IFT172: variants seen among roughly 807,000 people sequenced by gnomAD.
IFT172 encodes the protein intraflagellar transport protein 172 homolog.
In IFT172, 164 loss-of-function variants were observed where a neutral mutation model predicts 248.9. That is an observed-to-expected ratio of 0.66 (90% confidence interval 0.58 to 0.75). IFT172 has a LOEUF of 0.75. Among genes scored for constraint, IFT172 ranks in the 30% least tolerant of loss-of-function variants. IFT172 has a pLI of 0.00. For missense variants in IFT172, 1,950 were observed against 2,192.4 expected (o/e 0.89, Z 2.21); for synonymous variants, 729 against 791.6 (o/e 0.92, Z 1.33).
At chr2:27,461,887 AG>A (rs1436813732) in intron 20 of IFT172, 51 bp from the exon 21 acceptor site, 1 of 1,604,520 alleles carries the variant, frequency 6.2e-7, no homozygotes, top group East Asian at 2.2e-5. Context: ...TATGAGGATC[AG>A]AAAGCAGCAA....
intron 25 of IFT172, 92 bp downstream of exon 25, chr2:27,459,286 C>A: frequency 6.8e-7 from 1 of 1,480,488 alleles, no homozygotes; most frequent in South Asian, 1.3e-5. Flanking sequence ...AAAGAAGGAT[C>A]TGGTGAACTT....
At position 27,461,039 on chromosome 2, in the gene IFT172, G is replaced by A. The variant is rs778307866; in HGVS notation, c.2497C>T (p.Arg833Cys). The A allele has an allele frequency of 5.6e-6, 9 of 1,613,962 alleles. No homozygotes were observed. The highest frequency in any genetic ancestry group is 2.7e-5 in the African/African-American group (2 of 74,870). Residue 833 changes from arginine (R) to cysteine (C), a missense_variant, in exon 23 of 48, where the codon CGT (arginine) becomes TGT (cysteine). This residue lies in a region of IFT172 where 1,166 missense variants were observed against 1,254.1 expected (regional missense o/e 0.93). Transcript: ENST00000260570. Reference sequence around the variant, plus strand: ...CCTTTCATGAATGCGTTGCCTTTACGGTAGCACTCCAGGGCCTTCTGTGGA... The same window carrying A: ...CCTTTCATGAATGCGTTGCCTTTACAGTAGCACTCCAGGGCCTTCTGTGGA... ...HNPQKALECY[R>C]KGNAFMKAVE...
In IFT172 at chr2:27,461,051, G is replaced by C. The variant is rs781639232; in HGVS notation, c.2485C>G (p.Leu829Val). The C allele has an allele frequency of 6.2e-7, 1 of 1,614,130 alleles. No individual in the cohort carries two copies. The highest frequency in any genetic ancestry group is 1.1e-5 in the South Asian group (1 of 91,086). Residue 829 changes from leucine (L) to valine (V), a missense_variant, in exon 23 of 48, where the codon CTG becomes GTG. This residue lies in a region of IFT172 where 1,166 missense variants were observed against 1,254.1 expected (regional missense o/e 0.93). Coordinates refer to ENST00000260570, the MANE Select transcript of IFT172 (RefSeq NM_015662.3). ...GCGTTGCCTTTACGGTAGCACTCCA[G>C]GGCCTTCTGTGGATTGTGAATCTTC... ...FEKIHNPQKALECYRKGNAFM... is the reference protein window; with the variant it reads ...FEKIHNPQKAVECYRKGNAFM...
chr2:27,478,250 A>G (rs1381489610), intron 10 of IFT172, 94 bp from the exon 11 acceptor site: 2 of 1,435,052 alleles, frequency 1.4e-6, no homozygotes, highest in African/African-American at 2.8e-5. Flanking sequence ...AGCACTAAAC[A>G]AAGCTAATAC....
chr2:27,457,964 T>C lies in IFT172; in HGVS notation c.2988A>G (p.Thr996=). 1 of 1,614,180 alleles carries C rather than the reference T, an allele frequency of 6.2e-7. No individual in the cohort carries two copies. Among genetic ancestry groups the C allele is most frequent in the East Asian group, 2.2e-5 (1 of 44,878 alleles). Residue 996 remains threonine (T), a synonymous_variant, in exon 28 of 48, where the codon ACA becomes ACG. Transcript: ENST00000260570. ...TGATGGCAAGATCAGGCTCTTGTAC[T>C]GTCACATATAGCCTGGGGAAGGAGA... ...KYREAERLYV[T]VQEPDLAITM...
chr2:27,448,979 C>T lies in IFT172; in HGVS notation c.4364G>A (p.Arg1455Gln), dbSNP rs747215055. 8.7e-6 allele frequency: 14 copies of T among 1,612,590 alleles called. No individual in the cohort carries two copies. Among genetic ancestry groups the T allele is most frequent in the Admixed American group, 8.3e-5 (5 of 60,006 alleles). ...YVALYATHLI[R>Q]EGSSAQALAL... is the part of the protein sequence containing the mutation. ...CAATGCCTGGGCAGAGCTACCCTCC[C>T]GGATCAAGTGAGTTGCATACAAAGC... is the stretch of plus-strand genomic sequence containing the variant. The change falls in exon 40 of 48, where the codon CGG becomes CAG. Residue 1455 changes from arginine to glutamine, a missense_variant. Around this residue, in one of 3 missense-constraint regions of IFT172, gnomAD observed 620 missense variants for 699.0 expected, o/e 0.89. Transcript: ENST00000260570.
At chr2:27,481,830 C>T (rs1381897485) in intron 7 of IFT172, among the ~76,000 whole-genome samples, 1 of 151,518 alleles carries the variant, frequency 6.6e-6, no homozygotes. Context: ...TGAGCCACCA[C>T]GCCCAGCATG....
At chr2:27,470,725 T>C in intron 16 of IFT172, 1 of 454,864 alleles carries the variant, frequency 2.2e-6, no homozygotes, top group Non-Finnish European at 3.7e-6. Context: ...AATGAACCCA[T>C]ACTCCAAGGG....
chr2:27,489,702 G>C lies in IFT172; in HGVS notation c.-49C>G, dbSNP rs1669040105. On this transcript the variant is annotated 5_prime_UTR_variant, in exon 1 of 48. Transcript: ENST00000260570. ...CTCCTAGACAGCGACAACTCCCGTG[G>C]TTACCTGGACAACCCGCCACGCAGC... The C allele has an allele frequency of 2.0e-6, 3 of 1,505,066 alleles. No homozygotes were observed. The highest frequency in any genetic ancestry group is 1.8e-5 in the Admixed American group (1 of 55,990). 93.2% of individuals were successfully genotyped at this position (1,505,066 alleles called of 1,614,324 possible). A position where few individuals can be genotyped will look rare whatever the true frequency, so the allele number is the denominator to read the frequency against.
intron 47 of IFT172, among the ~76,000 whole-genome samples, 192 bp from the exon 48 acceptor site, chr2:27,444,713 T>C (rs754565379): frequency 5.9e-5 from 9 of 152,198 alleles, no homozygotes; most frequent in Non-Finnish European, 8.8e-5. Context: ...AGTGGCACAA[T>C]CTCAGCTCAC....
intron 16 of IFT172, among the ~76,000 whole-genome samples, chr2:27,468,132 C>G (rs1396264122): frequency 6.7e-6 from 1 of 148,538 alleles, no homozygotes; most frequent in African/African-American, 2.5e-5. Context: ...TGCACTCCAG[C>G]CTGGATGACA....
chr2:27,479,118 C>T (rs919676455), intron 10 of IFT172, among the ~76,000 whole-genome samples: 2 of 152,148 alleles, frequency 1.3e-5, no homozygotes. Flanking sequence ...CATTTTCCTG[C>T]CTCAGCCTCC....
chr2:27,477,162 A>C lies in IFT172; in HGVS notation c.1325+55T>G. On this transcript the variant is annotated intron_variant, in intron 13 of 47. Transcript: ENST00000260570. Reference sequence around the variant, plus strand: ...TTAACTGGAGGACACAGAATTTAGGAGTCCAAAAGGAATTATTCTGGGTTT... The same window carrying C: ...TTAACTGGAGGACACAGAATTTAGGCGTCCAAAAGGAATTATTCTGGGTTT... 2.1e-6 allele frequency: 3 copies of C among 1,446,182 alleles called. No individual in the cohort carries two copies. In the South Asian group the frequency reaches 3.4e-5, roughly 17 times the overall value. The allele number at this position is 1,446,182 out of a possible 1,614,324, so 89.6% of individuals were successfully genotyped here.
At chr2:27,465,264 TG>T in intron 18 of IFT172, 146 bp downstream of exon 18, 1 of 671,560 alleles carries the variant, frequency 1.5e-6, no homozygotes, top group Non-Finnish European at 2.7e-6. Context: ...TTTGGAATAT[TG>T]TACTGCAGAA....
chr2:27,454,533 G>C lies in IFT172; in HGVS notation c.3465+34C>G. Reference sequence around the variant, plus strand: ...AGTGCACTAGGGGATGGAATAAGAGGGCTCTGCGGTCGGGGTCCAAATCAC... The same window carrying C: ...AGTGCACTAGGGGATGGAATAAGAGCGCTCTGCGGTCGGGGTCCAAATCAC... On this transcript the variant is annotated intron_variant, in intron 31 of 47. Transcript: ENST00000260570. This position sits in a 1 kb window ranked among gnomAD's most constrained non-coding sequence, Gnocchi z 4.2. 6.2e-7 allele frequency: 1 copy of C among 1,611,322 alleles called. No homozygotes were observed. Among genetic ancestry groups the C allele is most frequent in the Non-Finnish European group, 8.5e-7 (1 of 1,177,538 alleles).
intron 26 of IFT172, 129 bp from the exon 27 acceptor site, chr2:27,458,352 A>G: frequency 1.4e-6 from 1 of 739,056 alleles, no homozygotes; most frequent in Non-Finnish European, 2.4e-6. Flanking sequence ...TTGCCACTCT[A>G]CTAGTGAGGT....
Position 27,450,736 on chromosome 2 carries a change from A to C in IFT172, c.3952-640T>G, listed in dbSNP as rs765918468. On this transcript the variant is annotated intron_variant, in intron 35 of 47. Transcript: ENST00000260570. ...CTCCTGAGTAGCTGGGATTACAGGC[A>C]CCCACCACCATGCCCAGCTAATTTT... is the stretch of plus-strand genomic sequence containing the variant. 1.8e-4 allele frequency among the ~76,000 whole-genome samples: 28 copies of C among 151,952 alleles called. 1 individual carries two copies. The highest frequency in any genetic ancestry group is 1.8e-3 in the Admixed American group (28 of 15,230).
At chr2:27,482,698 C>T (rs2148554515) in intron 7 of IFT172, among the ~76,000 whole-genome samples, 1 of 152,198 alleles carries the variant, frequency 6.6e-6, no homozygotes, top group South Asian at 2.1e-4. Flanking sequence ...ACTCTTTTTT[C>T]TATGAATCTA....
intron 43 of IFT172, 51 bp from the exon 44 acceptor site, chr2:27,446,039 C>T: frequency 6.2e-7 from 1 of 1,604,426 alleles, no homozygotes; most frequent in Admixed American, 1.7e-5. Flanking sequence ...GGTTTGAATG[C>T]TACTTCTCTG....
Sources: allele counts gnomAD v4.1 joint callset (sites outside exome capture counted in the v4.1 genomes callset), GRCh38; gene constraint gnomAD v4.1.1; regional missense constraint gnomAD v4.1.1; non-coding constraint Gnocchi (gnomAD v3.1); transcripts MANE v1.5; gene names NCBI Gene and HGNC (gene_info 2026-07-23, HGNC 2026-07-21).